The following CDH8 variants were observed in gnomAD, a reference collection of about 807,000 sequenced individuals.
The protein encoded by CDH8 is cadherin-8.
Under a neutral mutation model 68.1 loss-of-function variants are expected in CDH8, and 17 were observed. That is an observed-to-expected ratio of 0.25 (90% CI 0.17 to 0.37). The LOEUF (loss-of-function observed/expected upper bound fraction) is 0.37. CDH8 is among the 10% of genes least tolerant of loss of function. The probability of loss-of-function intolerance (pLI) is 1.00; values close to 1 mark genes in which losing one functional copy is unlikely to be tolerated. For synonymous variants in CDH8, 372 were observed against 365.1 expected (o/e 1.02, Z -0.21); for missense variants, 763 against 999.3 (o/e 0.76, Z 3.19).
chr16:61,897,918 G>T (rs1284748419), intron 3 of CDH8, among the ~76,000 whole-genome samples: 2 of 152,148 alleles, frequency 1.3e-5, no homozygotes, highest in Non-Finnish European at 2.9e-5. Context: ...TTTTATGTGT[G>T]TGTGGGGGTG....
chr16:61,991,582 G>A (rs1965722027), intron 2 of CDH8, among the ~76,000 whole-genome samples: 1 of 152,168 alleles, frequency 6.6e-6, no homozygotes, highest in African/African-American at 2.4e-5. Flanking sequence ...CTTTACAGGT[G>A]TGAAACCGAG....
At position 61,836,525 on chromosome 16, in the gene CDH8, T is replaced by C. The variant is rs1040854133; in HGVS notation, c.668-11346A>G. 5.9e-5 allele frequency among the ~76,000 whole-genome samples: 9 copies of C among 152,136 alleles called. No homozygotes were observed. The East Asian group carries it at 1.7e-3, about 29-fold the overall frequency. ...CCTAAGACTACATTATTGTTGTAAT[T>C]GCACAACTCTGACTGCACAAAGCTG... On this transcript the variant is annotated intron_variant, in intron 4 of 11. Coordinates refer to ENST00000577390, the MANE Select transcript of CDH8 (RefSeq NM_001796.5).
intron 8 of CDH8, among the ~76,000 whole-genome samples, chr16:61,774,547 T>C (rs1036773309): frequency 9.9e-5 from 15 of 151,772 alleles, no homozygotes; most frequent in Admixed American, 2.0e-4. Flanking sequence ...AACAGCTGTC[T>C]AGGGTATATT....
intron 3 of CDH8, among the ~76,000 whole-genome samples, chr16:61,886,370 G>A (rs1358067475): frequency 1.3e-5 from 2 of 152,156 alleles, no homozygotes; most frequent in Non-Finnish European, 2.9e-5. Context: ...TAGCCAGGAA[G>A]AAAGATGCTT....
chr16:61,985,426 T>G (rs1567556859), intron 2 of CDH8, among the ~76,000 whole-genome samples: 1 of 152,232 alleles, frequency 6.6e-6, no homozygotes, highest in Non-Finnish European at 1.5e-5. Context: ...CATTTCCATC[T>G]TCACAGAATG....
chr16:61,860,119 G>A (rs1468945350), intron 3 of CDH8, among the ~76,000 whole-genome samples: 1 of 152,066 alleles, frequency 6.6e-6, no homozygotes, highest in Non-Finnish European at 1.5e-5. Flanking sequence ...GGGATTACAG[G>A]TGTGAGCCAC....
chr16:61,837,731 G>A (rs192083173), intron 4 of CDH8, among the ~76,000 whole-genome samples: 1 of 152,158 alleles, frequency 6.6e-6, no homozygotes, highest in Admixed American at 6.5e-5. Context: ...TGTGTGATCT[G>A]CAGGAGCCAT....
chr16:61,774,755 G>A (rs1040851034), intron 8 of CDH8, among the ~76,000 whole-genome samples: 2 of 151,996 alleles, frequency 1.3e-5, no homozygotes, highest in East Asian at 1.9e-4. Flanking sequence ...ATGAGAACAG[G>A]GAACTTAACT....
chr16:61,801,796 A>G (rs962536786), intron 7 of CDH8, among the ~76,000 whole-genome samples: 20 of 152,160 alleles, frequency 1.3e-4, no homozygotes, highest in African/African-American at 4.6e-4. Flanking sequence ...TATATCCCAC[A>G]CCTGGCTCGG....
chr16:61,801,606 C>T (rs534045425), intron 7 of CDH8, among the ~76,000 whole-genome samples: 2 of 152,256 alleles, frequency 1.3e-5, no homozygotes, highest in South Asian at 2.1e-4. Flanking sequence ...CCAGTGGGTG[C>T]GTGCACCATG....
At chr16:61,931,044 A>G (rs764570312) in intron 2 of CDH8, among the ~76,000 whole-genome samples, 2 of 152,236 alleles carry the variant, frequency 1.3e-5, no homozygotes, top group Non-Finnish European at 2.9e-5. Context: ...CAAAGACAGT[A>G]CTTACTGCAG....
At chr16:61,749,073 A>G (rs1200619077) in intron 8 of CDH8, among the ~76,000 whole-genome samples, 5 of 152,110 alleles carry the variant, frequency 3.3e-5, no homozygotes, top group African/African-American at 1.2e-4. Context: ...GGTAAGGCAG[A>G]GTAGCAAATT....
chr16:61,843,038 G>T (rs529727898), intron 4 of CDH8, among the ~76,000 whole-genome samples: 2 of 152,166 alleles, frequency 1.3e-5, no homozygotes, highest in South Asian at 4.2e-4. Flanking sequence ...ATGGGCTAAA[G>T]GGTGGCTCTA....
rs1478842835 is a variant in CDH8 at position 61,649,455 on chromosome 16, GATAT to G, written c.*4149_*4152del. 5 of 151,014 alleles carry G rather than the reference GATAT, an allele frequency of 3.3e-5. No individual in the cohort carries two copies. The highest frequency in any genetic ancestry group is 7.4e-5 in the Non-Finnish European group (5 of 67,754). 9.4% of individuals were successfully genotyped at this position (151,014 alleles called of 1,614,324 possible). ...ATATATTTATAAATATATGTATAAG[GATAT>G]ATATATTCTTTTTAATGTTGATATT... On this transcript the variant is annotated 3_prime_UTR_variant, in exon 12 of 12. Transcript: ENST00000577390.
At chr16:61,949,483 G>A (rs1392782649) in intron 2 of CDH8, among the ~76,000 whole-genome samples, 1 of 152,032 alleles carries the variant, frequency 6.6e-6, no homozygotes, top group Non-Finnish European at 1.5e-5. Context: ...CACTGTGGAA[G>A]CTTTGTTCTT....
At chr16:61,942,799 T>C (rs1390615509) in intron 2 of CDH8, among the ~76,000 whole-genome samples, 1 of 152,144 alleles carries the variant, frequency 6.6e-6, no homozygotes, top group Non-Finnish European at 1.5e-5. Flanking sequence ...CAGCTGGGCA[T>C]GGTGACACAC....
At chr16:61,965,344 A>G (rs111526014) in intron 2 of CDH8, among the ~76,000 whole-genome samples, 3,437 of 152,294 alleles carry the variant, frequency 0.023, 50 homozygotes, top group African/African-American at 0.048. Context: ...AAGAACCAAA[A>G]GCAAGTCACC....
At chr16:61,706,008 A>G (rs886697330) in intron 10 of CDH8, among the ~76,000 whole-genome samples, 1 of 152,216 alleles carries the variant, frequency 6.6e-6, no homozygotes, top group Admixed American at 6.5e-5. Context: ...TGCCTGGCAC[A>G]TGATGGACAC....
intron 10 of CDH8, chr16:61,692,201 A>C (rs1261613102): frequency 6.6e-6 from 1 of 152,126 alleles, no homozygotes; most frequent in Admixed American, 6.6e-5. Context: ...CATGAATTTC[A>C]ATGCCCTAAT....
Sources: gnomAD v4.1 joint callset for allele counts (sites outside exome capture counted in the v4.1 genomes callset) on GRCh38, gnomAD v4.1.1 for gene constraint, MANE v1.5 for transcripts, NCBI Gene and HGNC (gene_info 2026-07-23, HGNC 2026-07-21) for gene names.